HPCAL1: variants seen among roughly 807,000 people sequenced by gnomAD.
HPCAL1 encodes the protein hippocalcin-like protein 1.
In HPCAL1, 8 loss-of-function variants were observed where a neutral mutation model predicts 17.1. The ratio of observed to expected loss-of-function variants is 0.47; its 90% CI spans 0.27 to 0.84. The LOEUF (loss-of-function observed/expected upper bound fraction) is 0.84, where lower values mean the gene tolerates loss of function less well. Among genes scored for constraint, HPCAL1 ranks in the 40% least tolerant of loss-of-function variants. The pLI, the probability that HPCAL1 is intolerant of heterozygous loss-of-function variation, is 0.13. For missense variants in HPCAL1, 165 were observed against 271.1 expected (o/e 0.61, Z 2.75); for synonymous variants, 112 against 111.4 (o/e 1.01, Z -0.03).
chr2:10,331,702 G>C lies in HPCAL1; in HGVS notation c.-111+28525G>C, dbSNP rs908066707. 3.9e-5 allele frequency among the ~76,000 whole-genome samples: 6 copies of C among 152,174 alleles called. No homozygotes were observed. Among genetic ancestry groups the C allele is most frequent in the African/African-American group, 1.4e-4 (6 of 41,438 alleles). ...GAGGCATCTGTCTCTTCCCCCGCAT[G>C]CATCTTTCTCCCCGTCTGGCATGGT... is the stretch of plus-strand genomic sequence containing the variant. On this transcript the variant is annotated intron_variant, in intron 1 of 4. Transcript: ENST00000307845. This position sits in a 1 kb window ranked among gnomAD's most constrained non-coding sequence, Gnocchi z 5.0.
rs1483082778 is a variant in HPCAL1 at position 10,344,343 on chromosome 2, T to A, written c.-111+41166T>A. On this transcript the variant is annotated intron_variant, in intron 1 of 4. Transcript: ENST00000307845. The surrounding 1 kb of genome is among the most constrained non-coding windows in gnomAD (Gnocchi z 4.9). ...ATCCCATCCCTGCCTGAGCAGGCCATGTGCCAGCAAGGGGGGCCCCGAAGT... is the reference window on the plus strand; with the variant it reads ...ATCCCATCCCTGCCTGAGCAGGCCAAGTGCCAGCAAGGGGGGCCCCGAAGT... 6.6e-6 allele frequency among the ~76,000 whole-genome samples: 1 copy of A among 152,168 alleles called. No individual in the cohort carries two copies. The highest frequency in any genetic ancestry group is 1.5e-5 in the Non-Finnish European group (1 of 68,024).
intron 1 of HPCAL1, among the ~76,000 whole-genome samples, chr2:10,376,120 G>A (rs764233013): frequency 4.6e-5 from 7 of 152,034 alleles, no homozygotes; most frequent in Non-Finnish European, 1.0e-4. Context: ...GCTCCCCATC[G>A]CCTCCCACCA....
chr2:10,322,726 C>T (rs11694489), intron 1 of HPCAL1, among the ~76,000 whole-genome samples: 19,030 of 152,252 alleles, frequency 0.12, 1,575 homozygotes, highest in African/African-American at 0.23. Context: ...GTGCTAAAGA[C>T]AGTAGAGCAG....
In HPCAL1 at chr2:10,354,333, T is replaced by A. The variant is rs1230969528; in HGVS notation, c.-110-42502T>A. 4 of 152,254 alleles carry A rather than the reference T, an allele frequency of 2.6e-5. No individual in the cohort carries two copies. Among genetic ancestry groups the A allele is most frequent in the Admixed American group, 6.5e-5 (1 of 15,278 alleles). The allele number at this position is 152,254 out of a possible 1,614,324, so 9.4% of individuals were successfully genotyped here. On this transcript the variant is annotated intron_variant, in intron 1 of 4. Transcript: ENST00000307845. The surrounding 1 kb of genome is among the most constrained non-coding windows in gnomAD (Gnocchi z 5.1). ...AAGGGCCTCCTGCATTTCAGGCACT[T>A]CAGAGGACCTTCTGGAAGCTTCCCA...
chr2:10,354,224 G>A lies in HPCAL1; in HGVS notation c.-110-42611G>A, dbSNP rs771111855. On this transcript the variant is annotated intron_variant, in intron 1 of 4. Transcript: ENST00000307845. This position sits in a 1 kb window ranked among gnomAD's most constrained non-coding sequence, Gnocchi z 5.1. ...CTTTCTCAACCCCTCAGGCCCAGCA[G>A]AAGTCCTCTCTGTCTTCTCCAGGCG... The A allele has an allele frequency of 2.0e-5, 3 of 152,270 alleles. No homozygotes were observed. Among genetic ancestry groups the A allele is most frequent in the Non-Finnish European group, 4.4e-5 (3 of 68,094 alleles). The allele number at this position is 152,270 out of a possible 1,614,324, so 9.4% of individuals were successfully genotyped here. A position where few individuals can be genotyped will look rare whatever the true frequency, so the allele number is the denominator to read the frequency against.
chr2:10,333,241 A>G (rs1222368440), intron 1 of HPCAL1, among the ~76,000 whole-genome samples: 1 of 152,236 alleles, frequency 6.6e-6, no homozygotes, highest in Non-Finnish European at 1.5e-5. Flanking sequence ...GACTCGGGAA[A>G]TTACCAAGGA....
At chr2:10,422,131 C>T (rs1671100683) in intron 3 of HPCAL1, among the ~76,000 whole-genome samples, 1 of 152,190 alleles carries the variant, frequency 6.6e-6, no homozygotes, top group South Asian at 2.1e-4. Context: ...ACGGGACAGC[C>T]CCCAAACCAA....
chr2:10,311,750 CA>C (rs1213354614), intron 1 of HPCAL1, among the ~76,000 whole-genome samples: 1 of 152,060 alleles, frequency 6.6e-6, no homozygotes, highest in Non-Finnish European at 1.5e-5. Context: ...GCTGGCTCCC[CA>C]AAACCATTAT....
At chr2:10,421,227 G>A (rs1403542036) in intron 3 of HPCAL1, among the ~76,000 whole-genome samples, 1 of 152,228 alleles carries the variant, frequency 6.6e-6, no homozygotes, top group African/African-American at 2.4e-5. Flanking sequence ...CTCAGCACGG[G>A]AAAGACGTCA....
intron 2 of HPCAL1, among the ~76,000 whole-genome samples, chr2:10,409,784 T>G (rs1228193651): frequency 1.2e-5 from 1 of 85,464 alleles, no homozygotes; most frequent in African/African-American, 4.3e-5. Flanking sequence ...AGTCTTTTTT[T>G]TTTTTTTTTT....
chr2:10,393,229 A>G (rs370420268), intron 1 of HPCAL1, among the ~76,000 whole-genome samples: 1 of 152,344 alleles, frequency 6.6e-6, no homozygotes, highest in African/African-American at 2.4e-5. Context: ...AATGACTGTA[A>G]TCTCTATCTG....
At chr2:10,321,785 G>A (rs543607841) in intron 1 of HPCAL1, among the ~76,000 whole-genome samples, 44 of 152,298 alleles carry the variant, frequency 2.9e-4, no homozygotes, top group African/African-American at 8.9e-4. Flanking sequence ...CCAATGCTGC[G>A]TGTGTATCTG....
chr2:10,350,808 G>A lies in HPCAL1; in HGVS notation c.-110-46027G>A, dbSNP rs143534809. On this transcript the variant is annotated intron_variant, in intron 1 of 4. Coordinates refer to ENST00000307845, the MANE Select transcript of HPCAL1 (RefSeq NM_002149.4). ...ACGTTTCTCCAAAGATATACAAGTG[G>A]CCAAGAAGCACATGACAAGATGCTC... Among the ~76,000 whole-genome samples the A allele has an allele frequency of 1.6e-3, 243 of 152,300 alleles. 1 individual carries two copies. The highest frequency in any genetic ancestry group is 2.9e-3 in the Non-Finnish European group (200 of 68,032).
At position 10,426,794 on chromosome 2, in the gene HPCAL1, C is replaced by T. The variant is rs1287035070; in HGVS notation, c.555C>T (p.Cys185=). Residue 185 remains cysteine, a synonymous_variant, in exon 5 of 5, where the codon TGC becomes TGT. Coordinates refer to ENST00000307845, the MANE Select transcript of HPCAL1 (RefSeq NM_002149.4). ...SDPSIVRLLQ[C]DPSSASQF ...CCTCCATCGTCCGCCTGCTGCAGTG[C>T]GACCCCAGCAGTGCCAGTCAGTTCT... The T allele has an allele frequency of 6.2e-6, 10 of 1,613,130 alleles. No individual in the cohort carries two copies. The highest frequency in any genetic ancestry group is 8.5e-6 in the Non-Finnish European group (10 of 1,179,870).
intron 2 of HPCAL1, among the ~76,000 whole-genome samples, chr2:10,400,432 C>T (rs1346904499): frequency 6.6e-6 from 1 of 152,198 alleles, no homozygotes; most frequent in Non-Finnish European, 1.5e-5. Flanking sequence ...TGAACAGGGC[C>T]ATGGAGATTT....
intron 4 of HPCAL1, chr2:10,425,249 G>A (rs1258621493): frequency 1.3e-5 from 2 of 153,078 alleles, no homozygotes; most frequent in African/African-American, 2.4e-5. Flanking sequence ...GCTGCCCTGA[G>A]TGGTCAGAGG....
At position 10,426,831 on chromosome 2, in the gene HPCAL1, C is replaced by T. The variant is rs778096338; in HGVS notation, c.*10C>T. The T allele has an allele frequency of 6.2e-7, 1 of 1,609,226 alleles. No homozygotes were observed. The highest frequency in any genetic ancestry group is 2.2e-5 in the East Asian group (1 of 44,864). The stretch of plus-strand genomic sequence containing the variant: ...TGCCAGTCAGTTCTGAGCGAGCGGC[C>T]CCTGGACAGTTGCAGAGAAACACAG... On this transcript the variant is annotated 3_prime_UTR_variant, in exon 5 of 5. Coordinates refer to ENST00000307845, the MANE Select transcript of HPCAL1 (RefSeq NM_002149.4).
At chr2:10,380,106 A>C (rs1667847186) in intron 1 of HPCAL1, among the ~76,000 whole-genome samples, 1 of 152,232 alleles carries the variant, frequency 6.6e-6, no homozygotes, top group Admixed American at 6.5e-5. Context: ...TCAGAGCTGC[A>C]GACTGAGTGT....
chr2:10,415,056 A>G (rs1253711404), intron 2 of HPCAL1, among the ~76,000 whole-genome samples: 1 of 152,202 alleles, frequency 6.6e-6, no homozygotes, highest in Non-Finnish European at 1.5e-5. Context: ...AAGCCTAGGA[A>G]TGACCAAGTG....
Sources: gnomAD v4.1 joint callset for allele counts (sites outside exome capture counted in the v4.1 genomes callset) on GRCh38, gnomAD v4.1.1 for gene constraint, Gnocchi (gnomAD v3.1) non-coding constraint, MANE v1.5 for transcripts, NCBI Gene and HGNC (gene_info 2026-07-23, HGNC 2026-07-21) for gene names.